Variants in ELP3 observed in about 807,000 individuals in gnomAD.
ELP3 encodes the protein elongator acetyltransferase complex subunit 3.
Under a neutral mutation model 74.9 loss-of-function variants are expected in ELP3, and 56 were observed. That is an observed-to-expected ratio of 0.75 (90% CI 0.60 to 0.93). The LOEUF (loss-of-function observed/expected upper bound fraction) is 0.93. Among genes scored for constraint, ELP3 ranks in the 40% least tolerant of loss-of-function variants. The pLI is 0.00. For synonymous variants in ELP3, 222 were observed against 239.8 expected, an observed-to-expected ratio of 0.93 and a Z score of 0.68; for missense variants, 573 against 686.5, an observed-to-expected ratio of 0.83 and a Z score of 1.85.
At chr8:28,130,497 C>T (rs1309771928) in intron 8 of ELP3, among the ~76,000 whole-genome samples, 2 of 152,138 alleles carry the variant, frequency 1.3e-5, no homozygotes, top group East Asian at 1.9e-4. Context: ...GGAATTTTCC[C>T]TTAAGGAATA....
intron 9 of ELP3, among the ~76,000 whole-genome samples, chr8:28,134,142 C>A (rs1230784625): frequency 2.0e-5 from 3 of 152,136 alleles, no homozygotes; most frequent in Non-Finnish European, 4.4e-5. Context: ...GTATGATGTT[C>A]CCCACCCTGT....
At chr8:28,183,118 G>A in intron 14 of ELP3, 1 of 456,124 alleles carries the variant, frequency 2.2e-6, no homozygotes. Context: ...AGTGTGTGCA[G>A]TGGAAGTCAT....
chr8:28,186,029 C>T (rs1815226766), intron 14 of ELP3, among the ~76,000 whole-genome samples: 1 of 152,158 alleles, frequency 6.6e-6, no homozygotes, highest in Non-Finnish European at 1.5e-5. Flanking sequence ...GACTTATACC[C>T]AACATGGATG....
intron 14 of ELP3, among the ~76,000 whole-genome samples, chr8:28,177,216 C>T (rs919798179): frequency 3.3e-5 from 5 of 151,884 alleles, no homozygotes; most frequent in Admixed American, 2.0e-4. Context: ...CATGGGTAAC[C>T]TTTGTATGAT....
chr8:28,168,907 G>T (rs1016854623), intron 14 of ELP3, among the ~76,000 whole-genome samples: 1 of 152,158 alleles, frequency 6.6e-6, no homozygotes. Context: ...GAAAATATTG[G>T]TGCTGCCTTC....
upstream of ELP3, among the ~76,000 whole-genome samples, chr8:28,092,172 T>A (rs1031662835): frequency 6.6e-6 from 1 of 152,200 alleles, no homozygotes; most frequent in East Asian, 1.9e-4. Flanking sequence ...TCTTTGCAGC[T>A]GTTTAGGAAC....
intron 5 of ELP3, among the ~76,000 whole-genome samples, chr8:28,108,302 G>C (rs995665757): frequency 6.6e-6 from 1 of 152,116 alleles, no homozygotes; most frequent in Non-Finnish European, 1.5e-5. Context: ...GGAAACTAGG[G>C]CATAGCAGGC....
intron 11 of ELP3, among the ~76,000 whole-genome samples, chr8:28,157,469 G>T (rs1813877076): frequency 6.6e-6 from 1 of 152,128 alleles, no homozygotes; most frequent in Non-Finnish European, 1.5e-5. Context: ...TTGTTTACTG[G>T]AATTCATGGA....
chr8:28,187,940 C>A (rs895857956), intron 14 of ELP3, among the ~76,000 whole-genome samples: 1 of 152,142 alleles, frequency 6.6e-6, no homozygotes, highest in Non-Finnish European at 1.5e-5. Context: ...TCACAGGAAG[C>A]GCGTGCACAG....
chr8:28,093,030 A>T, upstream of ELP3: 1 of 950,984 alleles, frequency 1.1e-6, no homozygotes, highest in Non-Finnish European at 1.6e-6. Flanking sequence ...GCCGCCTGCT[A>T]CCCTGTTAGT....
chr8:28,132,707 T>C (rs1007291451), intron 9 of ELP3, among the ~76,000 whole-genome samples: 2 of 152,172 alleles, frequency 1.3e-5, no homozygotes, highest in Non-Finnish European at 2.9e-5. Flanking sequence ...ATTGTAATAG[T>C]TTTTTCACTT....
Position 28,132,320 on chromosome 8 carries a change from C to T in ELP3, c.822C>T (p.Ala274=). Residue 274 remains alanine (A), a synonymous_variant, in exon 9 of 15, where the codon GCC becomes GCT. Transcript: ENST00000256398. ...VKAVCESFHL[A]KDSGFKVVAH... ...CAGTGTGTGAGTCATTTCACCTGGC[C>T]AAAGATTCCGGTTTTAAAGTGGTGG... 6.2e-7 allele frequency: 1 copy of T among 1,614,078 alleles called. No individual in the cohort carries two copies. Among genetic ancestry groups the T allele is most frequent in the Non-Finnish European group, 8.5e-7 (1 of 1,179,984 alleles).
rs79418940 is a variant in ELP3, at chr8:28,121,928, A to T, written c.618-7574A>T. Among the ~76,000 whole-genome samples the T allele has an allele frequency of 7.7e-3, 1,170 of 152,316 alleles. 20 individuals carry two copies. Among genetic ancestry groups the T allele is most frequent in the African/African-American group, 0.026 (1,086 of 41,574 alleles). ...CTGTCTTGTTCCCAGTGATACAGGGAAAACATTTTTATTTCAGTATTAAGT... is the reference window on the plus strand; with the variant it reads ...CTGTCTTGTTCCCAGTGATACAGGGTAAACATTTTTATTTCAGTATTAAGT... On this transcript the variant is annotated intron_variant, in intron 7 of 14. Transcript: ENST00000256398.
At chr8:28,136,970 TAGTTG>T (rs947198980) in intron 9 of ELP3, among the ~76,000 whole-genome samples, 57 of 152,122 alleles carry the variant, frequency 3.7e-4, no homozygotes, top group African/African-American at 1.3e-3. Context: ...TTGCCAAAAG[TAGTTG>T]AGTTAGATCT....
At chr8:28,137,591 C>T (rs1240248138) in intron 9 of ELP3, 107 bp from the exon 10 acceptor site, 8 of 1,084,534 alleles carry the variant, frequency 7.4e-6, no homozygotes, top group Middle Eastern at 3.0e-4. Flanking sequence ...CAAAGGCTGC[C>T]CCAGGGCCTA....
intron 14 of ELP3, among the ~76,000 whole-genome samples, chr8:28,172,470 T>G (rs117686997): frequency 1.2e-3 from 189 of 152,284 alleles, no homozygotes; most frequent in Middle Eastern, 3.4e-3. Flanking sequence ...GAAATAAAAC[T>G]GATTTTTCTT....
chr8:28,148,812 T>G (rs1415676541), intron 10 of ELP3, among the ~76,000 whole-genome samples: 3 of 152,244 alleles, frequency 2.0e-5, no homozygotes, highest in Non-Finnish European at 4.4e-5. Flanking sequence ...TGTTGAGGAT[T>G]TTTGCATCTA....
intron 14 of ELP3, among the ~76,000 whole-genome samples, chr8:28,167,726 A>G (rs1298380604): frequency 6.6e-6 from 1 of 151,994 alleles, no homozygotes; most frequent in Non-Finnish European, 1.5e-5. Flanking sequence ...CTTTGTGACA[A>G]ATTATCCCCT....
chr8:28,190,973 C>G lies in ELP3; in HGVS notation c.*1248C>G, dbSNP rs974366839. ...AACAGGATTGGCTTCTTCAAAGGCT[C>G]CTCTTGTAGAACTGCCTCTTTGAAA... On this transcript the variant is annotated 3_prime_UTR_variant, in exon 15 of 15. Coordinates refer to ENST00000256398, the MANE Select transcript of ELP3 (RefSeq NM_018091.6). 1 of 152,192 alleles carries G rather than the reference C, an allele frequency of 6.6e-6. No homozygotes were observed. Among genetic ancestry groups the G allele is most frequent in the African/African-American group, 2.4e-5 (1 of 41,426 alleles). The allele number at this position is 152,192 out of a possible 1,614,324, so 9.4% of individuals were successfully genotyped here.
Sources: allele counts gnomAD v4.1 joint callset (sites outside exome capture counted in the v4.1 genomes callset), GRCh38; gene constraint gnomAD v4.1.1; transcripts MANE v1.5; gene names NCBI Gene and HGNC (gene_info 2026-07-23, HGNC 2026-07-21).